The following RSPH9 variants were observed in gnomAD, a reference collection of about 807,000 sequenced individuals.
RSPH9 encodes radial spoke head protein 9 homolog.
A neutral mutation model predicts 27.0 loss-of-function variants in RSPH9; 27 were observed. The observed-to-expected ratio is 1.00, with a 90% CI of 0.74 to 1.38. The LOEUF (loss-of-function observed/expected upper bound fraction) is 1.38. RSPH9 is among the 40% of genes most tolerant of loss of function. RSPH9 has a pLI of 0.00. For missense variants in RSPH9, 347 were observed against 357.4 expected (o/e 0.97, Z 0.24); for synonymous variants, 145 against 147.7 (o/e 0.98, Z 0.13).
In RSPH9 at chr6:43,645,062, A is replaced by C. The variant is rs751563521; in HGVS notation, c.-37A>C. On this transcript the variant is annotated 5_prime_UTR_variant, in exon 1 of 5. Coordinates refer to ENST00000372163, the MANE Select transcript of RSPH9 (RefSeq NM_152732.5). ...GGTCTCCATGGAGGCGGCTTCTCCT[A>C]GCAACTCGACGGGCGTTGAGCGGAG... 54 of 1,581,992 alleles carry C rather than the reference A, an allele frequency of 3.4e-5. No homozygotes were observed. Among genetic ancestry groups the C allele is most frequent in the Non-Finnish European group, 4.1e-5 (48 of 1,158,918 alleles).
rs777885477 is a variant in RSPH9 at position 43,650,419 on chromosome 6, A to G, written c.272A>G (p.Glu91Gly). The change falls in exon 2 of 5, where the codon GAG becomes GGG. Residue 91 changes from glutamate to glycine, a missense_variant. Physicochemically the swap from Glu to Gly is moderately conservative, Grantham distance 98 (BLOSUM62 -2). Coordinates refer to ENST00000372163, the MANE Select transcript of RSPH9 (RefSeq NM_152732.5). ...EWSLLPPATE[E>G]MVAQSSVVKG... ...AGCCTCTTGCCCCCTGCCACAGAGG[A>G]GATGGTGGCGCAGTCGTCTGTGGTG... The G allele has an allele frequency of 5.1e-5, 83 of 1,613,778 alleles. No homozygotes were observed. The highest frequency in any genetic ancestry group is 6.3e-5 in the Non-Finnish European group (74 of 1,180,012).
chr6:43,656,732 C>T lies in RSPH9; in HGVS notation c.670+9C>T. On this transcript the variant is annotated intron_variant, in intron 4 of 4. Transcript: ENST00000372163. Reference sequence around the variant, plus strand: ...GCATGACATTCCCAAAGGTAATAGTCCATTACCTGGAGGCCATGGGATCTG... The same window carrying T: ...GCATGACATTCCCAAAGGTAATAGTTCATTACCTGGAGGCCATGGGATCTG... 1 of 1,613,802 alleles carries T rather than the reference C, an allele frequency of 6.2e-7. No homozygotes were observed. Among genetic ancestry groups the T allele is most frequent in the Non-Finnish European group, 8.5e-7 (1 of 1,179,906 alleles).
chr6:43,666,700 C>T (rs771185010), intron 4 of RSPH9, among the ~76,000 whole-genome samples: 53 of 152,124 alleles, frequency 3.5e-4, no homozygotes, highest in Non-Finnish European at 6.8e-4. Context: ...CTGCCGGATC[C>T]AGGGTAATGA....
At chr6:43,663,907 T>C (rs1163110178) in intron 4 of RSPH9, among the ~76,000 whole-genome samples, 1 of 151,200 alleles carries the variant, frequency 6.6e-6, no homozygotes, top group Non-Finnish European at 1.5e-5. Flanking sequence ...TGCACACCTG[T>C]AGTCCCAGCT....
chr6:43,664,373 G>A (rs1772928312), intron 4 of RSPH9, among the ~76,000 whole-genome samples: 1 of 152,178 alleles, frequency 6.6e-6, no homozygotes, highest in Non-Finnish European at 1.5e-5. Context: ...TGGGACTACA[G>A]GCGTGAGCCA....
chr6:43,665,945 C>T (rs1318218976), intron 4 of RSPH9, among the ~76,000 whole-genome samples: 2 of 152,136 alleles, frequency 1.3e-5, no homozygotes, highest in Non-Finnish European at 2.9e-5. Flanking sequence ...CCTGCCTCAG[C>T]CTCCCGAGTA....
At chr6:43,646,817 G>C (rs939389541) in intron 1 of RSPH9, among the ~76,000 whole-genome samples, 1 of 151,758 alleles carries the variant, frequency 6.6e-6, no homozygotes, top group Non-Finnish European at 1.5e-5. Flanking sequence ...TTAGACGGGC[G>C]TGGTGGCGGG....
At position 43,645,044 on chromosome 6, in the gene RSPH9, A is replaced by T. The variant is rs867172141; in HGVS notation, c.-55A>T. 5.3e-5 allele frequency: 79 copies of T among 1,498,206 alleles called. No homozygotes were observed. In the African/African-American group the frequency reaches 1.1e-3, roughly 20 times the overall value. The allele number at this position is 1,498,206 out of a possible 1,614,324, so 92.8% of individuals were successfully genotyped here. A position where few individuals can be genotyped will look rare whatever the true frequency, so the allele number is the denominator to read the frequency against. ...CGGAAGGGCGGAGCTTCAGGTCTCCATGGAGGCGGCTTCTCCTAGCAACTC... is the reference window on the plus strand; with the variant it reads ...CGGAAGGGCGGAGCTTCAGGTCTCCTTGGAGGCGGCTTCTCCTAGCAACTC... On this transcript the variant is annotated 5_prime_UTR_variant, in exon 1 of 5. It removes an upstream start codon present in the reference 5' UTR. Transcript: ENST00000372163.
chr6:43,671,148 T>G lies in RSPH9; in HGVS notation c.*199T>G. 1 of 642,636 alleles carries G rather than the reference T, an allele frequency of 1.6e-6. No individual in the cohort carries two copies. Among genetic ancestry groups the G allele is most frequent in the Non-Finnish European group, 2.7e-6 (1 of 372,086 alleles). The allele number at this position is 642,636 out of a possible 1,614,324, so 39.8% of individuals were successfully genotyped here. ...GTTGGAATGTGCTAATGAAAGAGAT[T>G]CTAGACAACGATGGGTGGAAATGGC... On this transcript the variant is annotated 3_prime_UTR_variant, in exon 5 of 5. Transcript: ENST00000372163.
chr6:43,660,995 C>G (rs2127919607), intron 4 of RSPH9, among the ~76,000 whole-genome samples: 1 of 152,276 alleles, frequency 6.6e-6, no homozygotes, highest in South Asian at 2.1e-4. Context: ...ACATCTCCAT[C>G]AGGGCTCTTG....
At chr6:43,656,808 T>C in intron 4 of RSPH9, 85 bp downstream of exon 4, 1 of 1,481,366 alleles carries the variant, frequency 6.8e-7, no homozygotes, top group South Asian at 1.1e-5. Flanking sequence ...CCTCTGAGAC[T>C]GGAACCAAGG....
chr6:43,655,995 T>TCCTTCCTTCCTTCCTTCCTG (rs1771979891), intron 3 of RSPH9, among the ~76,000 whole-genome samples: 4 of 112,776 alleles, frequency 3.5e-5, no homozygotes, highest in Admixed American at 3.3e-4. Context: ...TGGACTTCCT[T>TCCTTCCTTCCTTCCTTCCTG]CCTTCCTTCC....
intron 4 of RSPH9, among the ~76,000 whole-genome samples, chr6:43,667,254 G>A (rs968736764): frequency 6.6e-6 from 1 of 152,240 alleles, no homozygotes; most frequent in South Asian, 2.1e-4. Flanking sequence ...GCAAGCATCG[G>A]TGTCCTGGGA....
chr6:43,668,488 C>T (rs1240856078), intron 4 of RSPH9, among the ~76,000 whole-genome samples: 1 of 152,130 alleles, frequency 6.6e-6, no homozygotes, highest in Non-Finnish European at 1.5e-5. Context: ...TCCCTAGCTC[C>T]CCTGCCAGTT....
At position 43,650,301 on chromosome 6, in the gene RSPH9, C is replaced by G. The variant is rs999921787; in HGVS notation, c.228-74C>G. 9 of 1,569,632 alleles carry G rather than the reference C, an allele frequency of 5.7e-6. No individual in the cohort carries two copies. The South Asian group carries it at 1.0e-4, about 18-fold the overall frequency. The stretch of plus-strand genomic sequence containing the variant: ...CTTTTCCTGGGCCCAACCCACTAGA[C>G]AGAAGGGAAGATAATAGGAATAGTG... On this transcript the variant is annotated intron_variant, in intron 1 of 4. Transcript: ENST00000372163.
At chr6:43,669,847 C>T (rs1192596552) in intron 4 of RSPH9, among the ~76,000 whole-genome samples, 1 of 152,210 alleles carries the variant, frequency 6.6e-6, no homozygotes, top group Non-Finnish European at 1.5e-5. Flanking sequence ...AGCTGGGCTG[C>T]TCCTGTGTGG....
intron 4 of RSPH9, among the ~76,000 whole-genome samples, chr6:43,663,410 G>A (rs1017518372): frequency 1.1e-4 from 16 of 152,086 alleles, no homozygotes; most frequent in African/African-American, 3.1e-4. Flanking sequence ...GTAGAGACAG[G>A]GTTTCACCAT....
chr6:43,650,966 C>CTT (rs35382196), intron 2 of RSPH9, among the ~76,000 whole-genome samples: 2 of 142,602 alleles, frequency 1.4e-5, no homozygotes, highest in African/African-American at 2.6e-5. Flanking sequence ...TCATTATTTC[C>CTT]TTTTTTTTTT....
At chr6:43,645,601 G>A (rs1770772423) in intron 1 of RSPH9, among the ~76,000 whole-genome samples, 1 of 152,272 alleles carries the variant, frequency 6.6e-6, no homozygotes. Context: ...TCCCCCGGAG[G>A]GCGGGGCCTT....
Sources: gnomAD v4.1 joint callset for allele counts (sites outside exome capture counted in the v4.1 genomes callset) on GRCh38, gnomAD v4.1.1 for gene constraint, MANE v1.5 for transcripts, NCBI Gene and HGNC (gene_info 2026-07-23, HGNC 2026-07-21) for gene names.